Variants in DPY30 observed in about 807,000 individuals in gnomAD.
DPY30 encodes the protein dpy-30 histone methyltransferase complex regulatory subunit, also known as protein dpy-30 homolog.
In DPY30, 6 loss-of-function variants were observed where a neutral mutation model predicts 16.2. The ratio of observed to expected loss-of-function variants is 0.37; its 90% CI spans 0.20 to 0.73. DPY30 has a LOEUF of 0.73. Among genes scored for constraint, DPY30 ranks in the 30% least tolerant of loss-of-function variants. DPY30 has a pLI of 0.51. For missense variants in DPY30, 73 were observed against 113.1 expected (o/e 0.65, Z 1.61); for synonymous variants, 39 against 38.8 (o/e 1.00, Z -0.02).
At position 32,039,289 on chromosome 2, in the gene DPY30, T is replaced by C. The variant is rs1232235317; in HGVS notation, c.74A>G (p.Asp25Gly). Residue 25 changes from aspartate (D) to glycine (G), a missense_variant, in exon 3 of 5, where the codon GAC becomes GGC. Physicochemically the swap from Asp to Gly is moderately conservative, Grantham distance 94 (BLOSUM62 -1). This residue lies in a region of DPY30 where 52 missense variants were observed against 71.5 expected (regional missense o/e 0.73). Coordinates refer to ENST00000342166, the MANE Select transcript of DPY30 (RefSeq NM_001321209.2). ...AACTTGGCGAGTTACCTCAACGTTG[T>C]CTGTGAGACCGTACTCAGAGTGAGG... ...ENPHSEYGLT[D>G]NVERIVENEK... 1 of 1,614,158 alleles carries C rather than the reference T, an allele frequency of 6.2e-7. No homozygotes were observed. Among genetic ancestry groups the C allele is most frequent in the East Asian group, 2.2e-5 (1 of 44,880 alleles).
chr2:32,018,489 A>G (rs1432811161), intron 5 of DPY30, among the ~76,000 whole-genome samples: 1 of 152,160 alleles, frequency 6.6e-6, no homozygotes, highest in Non-Finnish European at 1.5e-5. Context: ...GCACTTTGAG[A>G]GGCTTAGGCA....
chr2:32,034,410 G>A (rs934473963), intron 3 of DPY30, among the ~76,000 whole-genome samples: 1 of 152,162 alleles, frequency 6.6e-6, no homozygotes, highest in African/African-American at 2.4e-5. Flanking sequence ...CATAACAAGA[G>A]AGGGAGCAAG....
chr2:32,020,567 A>C (rs555815370), downstream of DPY30, among the ~76,000 whole-genome samples: 1 of 152,234 alleles, frequency 6.6e-6, no homozygotes, highest in South Asian at 2.1e-4. Context: ...TTGAGGGGTG[A>C]GGAATATGTT....
chr2:32,033,121 C>T (rs1353001299), intron 3 of DPY30, among the ~76,000 whole-genome samples: 1 of 140,944 alleles, frequency 7.1e-6, no homozygotes, highest in African/African-American at 2.7e-5. Flanking sequence ...GACCAGCCTG[C>T]CCAACATGGT....
At chr2:32,028,033 C>T (rs1274416529) in intron 4 of DPY30, among the ~76,000 whole-genome samples, 1 of 151,882 alleles carries the variant, frequency 6.6e-6, no homozygotes, top group East Asian at 1.9e-4. Flanking sequence ...ATTTACTGCT[C>T]ATTCATATAG....
At chr2:32,037,973 C>T (rs1675810155) in intron 3 of DPY30, among the ~76,000 whole-genome samples, 1 of 152,108 alleles carries the variant, frequency 6.6e-6, no homozygotes, top group African/African-American at 2.4e-5. Flanking sequence ...ATATTAGCCA[C>T]ACACACTCTT....
chr2:32,034,282 G>T (rs770201971), intron 3 of DPY30, among the ~76,000 whole-genome samples: 17 of 152,174 alleles, frequency 1.1e-4, no homozygotes, highest in Non-Finnish European at 2.4e-4. Context: ...ATAAAGAAAA[G>T]AGGTTTATTT....
intron 4 of DPY30, among the ~76,000 whole-genome samples, chr2:32,027,388 T>C (rs182149389): frequency 2.6e-5 from 4 of 151,714 alleles, no homozygotes; most frequent in African/African-American, 9.7e-5. Flanking sequence ...AAATTAGCTT[T>C]GTGTGCTGAC....
intron 5 of DPY30, among the ~76,000 whole-genome samples, chr2:32,017,010 G>A (rs1392931032): frequency 2.0e-5 from 3 of 151,916 alleles, no homozygotes; most frequent in African/African-American, 7.3e-5. Flanking sequence ...AGCCTCCCGA[G>A]TAGCTGGGAT....
intron 4 of DPY30, among the ~76,000 whole-genome samples, chr2:32,025,697 G>C (rs1459353660): frequency 2.0e-5 from 3 of 151,520 alleles, no homozygotes; most frequent in African/African-American, 4.9e-5. Context: ...CAAAGGCAGA[G>C]GTTGCAGTGA....
chr2:32,013,698 G>A (rs1298478450), intron 5 of DPY30, among the ~76,000 whole-genome samples: 2 of 152,166 alleles, frequency 1.3e-5, no homozygotes, highest in Non-Finnish European at 2.9e-5. Context: ...CAATCCTTAT[G>A]AAGCTCAGAC....
At chr2:32,034,802 C>T (rs1007605213) in intron 3 of DPY30, among the ~76,000 whole-genome samples, 1 of 151,856 alleles carries the variant, frequency 6.6e-6, no homozygotes, top group South Asian at 2.1e-4. Context: ...AGTTTGAGAC[C>T]GTCCTGGCCA....
intron 3 of DPY30, among the ~76,000 whole-genome samples, chr2:32,037,225 T>C (rs948797948): frequency 3.3e-5 from 5 of 152,312 alleles, no homozygotes; most frequent in African/African-American, 1.2e-4. Flanking sequence ...CACAAAACAA[T>C]GAAGATCTCC....
At chr2:32,029,793 T>G in intron 3 of DPY30, 57 bp from the exon 4 acceptor site, 1 of 1,591,390 alleles carries the variant, frequency 6.3e-7, no homozygotes, top group Non-Finnish European at 8.6e-7. Flanking sequence ...TTATTTTGAG[T>G]GCTAAACAAA....
At chr2:32,018,124 G>GA (rs1358910819) in intron 5 of DPY30, among the ~76,000 whole-genome samples, 1 of 152,096 alleles carries the variant, frequency 6.6e-6, no homozygotes. Context: ...TAGCAGGCCA[G>GA]AAGGACTAAG....
At chr2:32,025,542 C>A (rs932385930) in intron 4 of DPY30, among the ~76,000 whole-genome samples, 2 of 148,594 alleles carry the variant, frequency 1.3e-5, no homozygotes, top group African/African-American at 2.5e-5. Context: ...GCGGGCAGAT[C>A]ACAAGGTCAG....
At chr2:32,029,509 T>A in intron 4 of DPY30, 85 bp downstream of exon 4, 8 of 1,481,420 alleles carry the variant, frequency 5.4e-6, no homozygotes, top group Non-Finnish European at 7.4e-6. Flanking sequence ...CAGTAAAAAG[T>A]CGCTATACAT....
intron 3 of DPY30, among the ~76,000 whole-genome samples, chr2:32,032,038 T>C (rs1330390396): frequency 6.6e-6 from 1 of 151,520 alleles, no homozygotes; most frequent in Non-Finnish European, 1.5e-5. Flanking sequence ...TATAAAAGAG[T>C]CGACAAAGAA....
Position 32,035,936 on chromosome 2 carries a change from GAAAAAAA to G in DPY30, c.84+3336_84+3342del, listed in dbSNP as rs762915217. Among the ~76,000 whole-genome samples, 299 of 50,338 alleles carry G rather than the reference GAAAAAAA, an allele frequency of 5.9e-3. 1 individual carries two copies. Among genetic ancestry groups the G allele is most frequent in the Middle Eastern group, 0.021 (2 of 96 alleles). The allele number at this position is 50,338 out of a possible 152,430, so 33.0% of individuals were successfully genotyped here. A position where few individuals can be genotyped will look rare whatever the true frequency, so the allele number is the denominator to read the frequency against. On this transcript the variant is annotated intron_variant, in intron 3 of 4. Transcript: ENST00000342166. The stretch of plus-strand genomic sequence containing the variant: ...CGACAGAGCAAGACTCAGTCTCGAA[GAAAAAAA>G]AAAAAAAAAAGAAAAAGAAAAAAGG...
Sources: allele counts gnomAD v4.1 joint callset (sites outside exome capture counted in the v4.1 genomes callset), GRCh38; gene constraint gnomAD v4.1.1; regional missense constraint gnomAD v4.1.1; transcripts MANE v1.5; gene names NCBI Gene and HGNC (gene_info 2026-07-23, HGNC 2026-07-21).